Variants in CFAP299 observed in about 807,000 individuals in gnomAD.
The protein encoded by CFAP299 is cilia- and flagella-associated protein 299.
CFAP299 carries 21 observed loss-of-function variants against 27.0 expected under a neutral mutation model. The ratio of observed to expected loss-of-function variants is 0.78; its 90% CI spans 0.55 to 1.12. The LOEUF (loss-of-function observed/expected upper bound fraction) is 1.12, where lower values mean the gene tolerates loss of function less well. CFAP299 is among the 50% of genes most tolerant of loss of function. The pLI is 0.00. For synonymous variants in CFAP299, 104 were observed against 98.1 expected, an observed-to-expected ratio of 1.06 and a Z score of -0.36; for missense variants, 310 against 276.6, an observed-to-expected ratio of 1.12 and a Z score of -0.86.
intron 3 of CFAP299, among the ~76,000 whole-genome samples, chr4:80,724,004 T>C (rs912002572): frequency 7.9e-5 from 12 of 151,982 alleles, no homozygotes; most frequent in African/African-American, 2.7e-4. Flanking sequence ...AACATGAAAA[T>C]TGTACTTCAC....
intron 2 of CFAP299, among the ~76,000 whole-genome samples, chr4:80,390,064 A>T (rs997672558): frequency 6.6e-6 from 1 of 152,146 alleles, no homozygotes; most frequent in Non-Finnish European, 1.5e-5. Flanking sequence ...ATACATATAC[A>T]TTATGAAATG....
chr4:80,521,730 C>T (rs1293873939), intron 2 of CFAP299, among the ~76,000 whole-genome samples: 2 of 151,580 alleles, frequency 1.3e-5, no homozygotes, highest in Non-Finnish European at 2.9e-5. Flanking sequence ...CTGTGACTGG[C>T]ATATTTTACT....
intron 3 of CFAP299, among the ~76,000 whole-genome samples, chr4:80,730,980 G>A (rs1407704276): frequency 6.6e-6 from 1 of 152,090 alleles, no homozygotes; most frequent in African/African-American, 2.4e-5. Context: ...GCAACTAGCA[G>A]CTCCTTGGTG....
chr4:80,373,880 C>A (rs192536119), intron 2 of CFAP299, among the ~76,000 whole-genome samples: 14 of 151,682 alleles, frequency 9.2e-5, no homozygotes, highest in Non-Finnish European at 1.9e-4. Context: ...GCTTCAGTAA[C>A]TAGCACATTT....
intron 3 of CFAP299, among the ~76,000 whole-genome samples, chr4:80,748,335 A>T (rs1329616953): frequency 1.3e-5 from 2 of 152,154 alleles, no homozygotes; most frequent in South Asian, 4.1e-4. Context: ...GGAAATATTA[A>T]CTTATCATTC....
At chr4:80,884,136 T>A (rs767321546) in intron 4 of CFAP299, among the ~76,000 whole-genome samples, 5 of 152,114 alleles carry the variant, frequency 3.3e-5, no homozygotes, top group Non-Finnish European at 7.3e-5. Context: ...CTTTCAACAA[T>A]GTACAGATAA....
rs1489266956 is a variant in CFAP299 at position 80,689,975 on chromosome 4, T to C, written c.333+106792T>C. ...CATTACATAATGGTAAAGGGATCAA[T>C]TCAACAAGAAGAGCTAACTATCCTA... On this transcript the variant is annotated intron_variant, in intron 3 of 5. Coordinates refer to ENST00000358105, the MANE Select transcript of CFAP299 (RefSeq NM_152770.3). Among the ~76,000 whole-genome samples the C allele has an allele frequency of 2.7e-5, 4 of 150,110 alleles. No individual in the cohort carries two copies. The East Asian group carries it at 7.7e-4, about 29-fold the overall frequency.
chr4:80,652,130 G>A (rs1025895480), intron 3 of CFAP299, among the ~76,000 whole-genome samples: 2 of 151,892 alleles, frequency 1.3e-5, no homozygotes, highest in African/African-American at 4.8e-5. Flanking sequence ...GACAATAAAT[G>A]TTTTGCATTA....
intron 3 of CFAP299, among the ~76,000 whole-genome samples, chr4:80,798,941 T>G (rs753389063): frequency 2.1e-4 from 31 of 151,032 alleles, no homozygotes; most frequent in Admixed American, 4.7e-4. Context: ...TTCTTAGCAT[T>G]TTTGGGTCTA....
intron 2 of CFAP299, among the ~76,000 whole-genome samples, chr4:80,563,703 C>A (rs1735148349): frequency 6.6e-6 from 1 of 151,132 alleles, no homozygotes; most frequent in Non-Finnish European, 1.5e-5. Context: ...AAGATCAGAG[C>A]AGAAATAAAG....
chr4:80,703,597 A>T (rs1195120740), intron 3 of CFAP299, among the ~76,000 whole-genome samples: 3 of 151,476 alleles, frequency 2.0e-5, no homozygotes, highest in Non-Finnish European at 4.4e-5. Context: ...AAAGATTGTG[A>T]GGTATTTTTT....
chr4:80,763,203 C>A (rs1471904501), intron 3 of CFAP299, among the ~76,000 whole-genome samples: 3 of 152,136 alleles, frequency 2.0e-5, no homozygotes, highest in African/African-American at 7.2e-5. Flanking sequence ...ATTTAGAAAA[C>A]CCGATTGTCT....
intron 3 of CFAP299, among the ~76,000 whole-genome samples, chr4:80,653,565 C>T (rs1313748336): frequency 1.3e-5 from 2 of 152,000 alleles, no homozygotes; most frequent in Non-Finnish European, 2.9e-5. Flanking sequence ...GGTCCCCAAA[C>T]ACATACCTCA....
chr4:80,354,687 G>T (rs986595903), intron 1 of CFAP299, among the ~76,000 whole-genome samples: 1 of 151,940 alleles, frequency 6.6e-6, no homozygotes, highest in African/African-American at 2.4e-5. Context: ...TCCTCCCTCT[G>T]ATAGCTGCCA....
intron 2 of CFAP299, among the ~76,000 whole-genome samples, chr4:80,467,192 C>A (rs566100454): frequency 6.6e-6 from 1 of 152,250 alleles, no homozygotes; most frequent in East Asian, 1.9e-4. Flanking sequence ...CTGCTAGCAG[C>A]TTGAAATTGG....
At chr4:80,325,286 A>G in the CFAP299 span, among the ~76,000 whole-genome samples, 6 of 152,238 alleles carry the variant, frequency 3.9e-5, no homozygotes, top group Admixed American at 1.3e-4. Flanking sequence ...AGGTAGCTGG[A>G]ATTATCTACT....
At position 80,508,909 on chromosome 4, in the gene CFAP299, C is replaced by T. The variant is rs187171365; in HGVS notation, c.243-74184C>T. Among the ~76,000 whole-genome samples the T allele has an allele frequency of 9.3e-4, 141 of 152,258 alleles. 1 individual carries two copies. Among genetic ancestry groups the T allele is most frequent in the African/African-American group, 3.2e-3 (131 of 41,540 alleles). The stretch of plus-strand genomic sequence containing the variant: ...GAACACAGCTCTCCAGACACCAGAA[C>T]GGGCCAAATGACAGACTGCCAACAG... On this transcript the variant is annotated intron_variant, in intron 2 of 5. Transcript: ENST00000358105.
chr4:80,960,964 G>T (rs865831713), intron 5 of CFAP299, among the ~76,000 whole-genome samples: 11 of 151,688 alleles, frequency 7.3e-5, no homozygotes, highest in African/African-American at 2.7e-4. Context: ...CATCAAATTT[G>T]TTGGTCTCCT....
intron 2 of CFAP299, among the ~76,000 whole-genome samples, chr4:80,442,539 T>C (rs1027618675): frequency 6.6e-6 from 1 of 152,182 alleles, no homozygotes; most frequent in African/African-American, 2.4e-5. Flanking sequence ...CCAGAATCTC[T>C]GGGACACAGC....
Sources: gnomAD v4.1 joint callset for allele counts (sites outside exome capture counted in the v4.1 genomes callset) on GRCh38, gnomAD v4.1.1 for gene constraint, MANE v1.5 for transcripts, NCBI Gene and HGNC (gene_info 2026-07-23, HGNC 2026-07-21) for gene names.